Variants in NRXN3 observed in about 807,000 individuals in gnomAD.
The protein encoded by NRXN3 is neurexin III.
NRXN3 carries 32 observed loss-of-function variants against 137.6 expected under a neutral mutation model. The ratio of observed to expected loss-of-function variants is 0.23; its 90% CI spans 0.18 to 0.31. NRXN3 has a LOEUF of 0.31. Among genes scored for constraint, NRXN3 ranks in the 10% least tolerant of loss-of-function variants. The pLI, the probability that NRXN3 is intolerant of heterozygous loss-of-function variation, is 1.00. For synonymous variants in NRXN3, 798 were observed against 784.5 expected, an observed-to-expected ratio of 1.02 and a Z score of -0.29; for missense variants, 1,574 against 2,062.5, an observed-to-expected ratio of 0.76 and a Z score of 4.59.
At chr14:79,264,367 G>A (rs563955814) in intron 15 of NRXN3, among the ~76,000 whole-genome samples, 1 of 152,274 alleles carries the variant, frequency 6.6e-6, no homozygotes, top group African/African-American at 2.4e-5. Context: ...GGGATTATAG[G>A]CATGAGCCAT....
chr14:78,774,134 A>C (rs2153005407), intron 8 of NRXN3, among the ~76,000 whole-genome samples: 1 of 152,138 alleles, frequency 6.6e-6, no homozygotes, highest in African/African-American at 2.4e-5. Flanking sequence ...TATACCTGCT[A>C]TTACTTAGTT....
chr14:79,717,933 G>A (rs1213331037), intron 19 of NRXN3, among the ~76,000 whole-genome samples: 1 of 152,146 alleles, frequency 6.6e-6, no homozygotes, highest in Non-Finnish European at 1.5e-5. Flanking sequence ...GGTGATTCCT[G>A]CTATGGACCC....
At chr14:79,480,436 T>C (rs545206610) in intron 16 of NRXN3, among the ~76,000 whole-genome samples, 26 of 152,248 alleles carry the variant, frequency 1.7e-4, no homozygotes, top group South Asian at 4.1e-4. Flanking sequence ...GAATGCACAA[T>C]GAATGATCCA....
intron 2 of NRXN3, among the ~76,000 whole-genome samples, chr14:78,277,206 C>A (rs2073729653): frequency 6.6e-6 from 1 of 152,166 alleles, no homozygotes; most frequent in South Asian, 2.1e-4. Context: ...CACACTGGAG[C>A]TTTACAAATC....
intron 4 of NRXN3, among the ~76,000 whole-genome samples, chr14:78,587,611 G>A (rs1375545978): frequency 6.6e-6 from 1 of 152,188 alleles, no homozygotes; most frequent in African/African-American, 2.4e-5. Flanking sequence ...TTCCTGCTAA[G>A]AGAAATTTTC....
intron 8 of NRXN3, among the ~76,000 whole-genome samples, chr14:78,781,559 A>G (rs1045155421): frequency 2.0e-5 from 3 of 152,206 alleles, no homozygotes; most frequent in Admixed American, 1.3e-4. Context: ...CCTGCTCTCA[A>G]TGGGACTGAT....
At chr14:78,189,630 A>C (rs931123160) in intron 1 of NRXN3, among the ~76,000 whole-genome samples, 1 of 151,502 alleles carries the variant, frequency 6.6e-6, no homozygotes, top group African/African-American at 2.4e-5. Flanking sequence ...TCTGTCGCCC[A>C]GGCTGGAGTG....
intron 4 of NRXN3, among the ~76,000 whole-genome samples, chr14:78,381,398 A>G (rs1422340038): frequency 1.3e-5 from 2 of 152,216 alleles, no homozygotes; most frequent in Non-Finnish European, 2.9e-5. Flanking sequence ...AAGGATTATT[A>G]TCTAGAATAT....
At chr14:79,079,034 A>C (rs935523594) in intron 15 of NRXN3, among the ~76,000 whole-genome samples, 12 of 152,288 alleles carry the variant, frequency 7.9e-5, no homozygotes, top group African/African-American at 2.4e-4. Flanking sequence ...TTTTAGTGAC[A>C]CAAGCAAGCC....
Position 79,569,420 on chromosome 14 carries a change from C to T in NRXN3, c.3445-94358C>T, listed in dbSNP as rs147134933. 3.1e-3 allele frequency among the ~76,000 whole-genome samples: 467 copies of T among 152,270 alleles called. 3 individuals carry two copies. The Middle Eastern group carries it at 0.037, about 12-fold the overall frequency. The stretch of plus-strand genomic sequence containing the variant: ...AGCAGGCGCTGCCTCCCCTGATTTA[C>T]TGCACCCATCCTAATCAGGGTAGAT... On this transcript the variant is annotated intron_variant, in intron 16 of 20. Coordinates refer to ENST00000335750, the MANE Select transcript of NRXN3 (RefSeq NM_001330195.2).
chr14:78,269,785 C>G (rs1344789110), intron 2 of NRXN3, among the ~76,000 whole-genome samples: 2 of 152,156 alleles, frequency 1.3e-5, no homozygotes. Flanking sequence ...AACTCACCTC[C>G]ACTGAAACCC....
At chr14:78,232,607 C>T (rs1406100209) in intron 1 of NRXN3, among the ~76,000 whole-genome samples, 1 of 152,128 alleles carries the variant, frequency 6.6e-6, no homozygotes. Context: ...ATCAGCTAAG[C>T]ACCTAGTTCA....
At chr14:79,591,032 T>G (rs1228703409) in intron 16 of NRXN3, among the ~76,000 whole-genome samples, 1 of 152,088 alleles carries the variant, frequency 6.6e-6, no homozygotes, top group Non-Finnish European at 1.5e-5. Flanking sequence ...AGCAAACAGA[T>G]ACAGTGGGAG....
intron 19 of NRXN3, among the ~76,000 whole-genome samples, chr14:79,764,624 A>G (rs192347820): frequency 2.0e-4 from 30 of 147,740 alleles, no homozygotes; most frequent in Admixed American, 2.0e-4. Context: ...CTATTCCTTC[A>G]TTTTTTTTTT....
At chr14:79,123,208 TGTGTGTGCGTGTGTGTGTGCGCGC>T (rs1325707289) in intron 15 of NRXN3, among the ~76,000 whole-genome samples, 11 of 152,024 alleles carry the variant, frequency 7.2e-5, no homozygotes, top group African/African-American at 2.7e-4. Context: ...TTTCTATGGC[TGTGTGTGCGTGTGTGTGTGCGCGC>T]GTGTGTGCGT....
intron 15 of NRXN3, among the ~76,000 whole-genome samples, chr14:79,070,645 C>T (rs1443456828): frequency 6.6e-6 from 1 of 152,106 alleles, no homozygotes; most frequent in East Asian, 1.9e-4. Context: ...TACCATTTTC[C>T]TTACTATTAT....
chr14:79,405,040 T>C (rs1227947768), intron 15 of NRXN3, among the ~76,000 whole-genome samples: 1 of 152,088 alleles, frequency 6.6e-6, no homozygotes, highest in Non-Finnish European at 1.5e-5. Flanking sequence ...GGAGACTGTA[T>C]CATATTCCAG....
chr14:79,229,718 C>G (rs1332982626), intron 15 of NRXN3, among the ~76,000 whole-genome samples: 2 of 152,240 alleles, frequency 1.3e-5, no homozygotes, highest in East Asian at 3.9e-4. Flanking sequence ...GAGCAGCTCA[C>G]TTGGATATAA....
chr14:78,749,253 C>T (rs1455224887), intron 8 of NRXN3, among the ~76,000 whole-genome samples: 1 of 152,130 alleles, frequency 6.6e-6, no homozygotes, highest in Non-Finnish European at 1.5e-5. Flanking sequence ...CAGAAACTAT[C>T]GATTCCAAGT....
Sources: allele counts gnomAD v4.1 joint callset (sites outside exome capture counted in the v4.1 genomes callset), GRCh38; gene constraint gnomAD v4.1.1; transcripts MANE v1.5; gene names NCBI Gene and HGNC (gene_info 2026-07-23, HGNC 2026-07-21).